Variants in NRXN1 observed in about 807,000 individuals in gnomAD.
The protein encoded by NRXN1 is neurexin-1.
NRXN1 carries 39 observed loss-of-function variants against 150.9 expected under a neutral mutation model. The observed-to-expected ratio is 0.26, with a 90% CI of 0.20 to 0.34. The LOEUF is 0.34. NRXN1 is among the 10% of genes least tolerant of loss of function. NRXN1 has a pLI of 1.00. For missense variants in NRXN1, 1,815 were observed against 1,949.9 expected (o/e 0.93, Z 1.30); for synonymous variants, 924 against 757.0 (o/e 1.22, Z -3.62).
rs118179235 is a variant in NRXN1, at chr2:50,877,196, T to C, written c.832+44673A>G. Among the ~76,000 whole-genome samples the C allele has an allele frequency of 4.8e-4, 73 of 151,154 alleles. No individual in the cohort carries two copies. In the East Asian group the frequency reaches 0.014, roughly 28 times the overall value. On this transcript the variant is annotated intron_variant, in intron 5 of 22. Coordinates refer to ENST00000401669, the MANE Select transcript of NRXN1 (RefSeq NM_001330078.2). ...CAACACACACATAGACACACACATATACACACACACACATATATATACACA... is the reference window on the plus strand; with the variant it reads ...CAACACACACATAGACACACACATACACACACACACACATATATATACACA...
intron 17 of NRXN1, among the ~76,000 whole-genome samples, chr2:50,277,660 G>C (rs539466731): frequency 6.6e-6 from 1 of 151,842 alleles, no homozygotes; most frequent in African/African-American, 2.4e-5. Context: ...AACTATTTTA[G>C]AAAAATATTT....
intron 5 of NRXN1, among the ~76,000 whole-genome samples, chr2:50,827,174 A>G (rs1670571828): frequency 6.6e-6 from 1 of 152,274 alleles, no homozygotes; most frequent in Non-Finnish European, 1.5e-5. Flanking sequence ...AATGGCAAAT[A>G]GCCTGGAAGA....
At chr2:50,200,824 C>T (rs893818040) in intron 18 of NRXN1, among the ~76,000 whole-genome samples, 4 of 152,130 alleles carry the variant, frequency 2.6e-5, no homozygotes, top group Non-Finnish European at 4.4e-5. Context: ...CCTTCTGGAA[C>T]CTATGAAAAT....
chr2:50,085,568 T>C (rs551881950), intron 19 of NRXN1, among the ~76,000 whole-genome samples: 1 of 152,232 alleles, frequency 6.6e-6, no homozygotes, highest in East Asian at 1.9e-4. Context: ...AATTTGCTAA[T>C]AAAGTTTCTC....
chr2:50,776,782 C>G (rs554392362), intron 5 of NRXN1, among the ~76,000 whole-genome samples: 2 of 151,992 alleles, frequency 1.3e-5, no homozygotes, highest in South Asian at 2.1e-4. Flanking sequence ...ATCCCCCAGG[C>G]TACACTTAGT....
At chr2:50,232,196 T>A (rs1029303597) in intron 18 of NRXN1, among the ~76,000 whole-genome samples, 10 of 151,996 alleles carry the variant, frequency 6.6e-5, no homozygotes, top group Admixed American at 5.2e-4. Flanking sequence ...GCTTGTTCAT[T>A]CATTCATCCA....
chr2:50,457,946 C>T (rs539737252), intron 17 of NRXN1, among the ~76,000 whole-genome samples: 2 of 152,226 alleles, frequency 1.3e-5, no homozygotes, highest in East Asian at 1.9e-4. Flanking sequence ...AAATCAAACA[C>T]ATAACTACCG....
chr2:49,946,533 T>G (rs1558558328), intron 21 of NRXN1, among the ~76,000 whole-genome samples: 1 of 152,132 alleles, frequency 6.6e-6, no homozygotes, highest in Non-Finnish European at 1.5e-5. Flanking sequence ...GTTTAAGTCT[T>G]TAATCCATCT....
In NRXN1 at chr2:49,921,592, G is replaced by A. The variant is rs1668209550; in HGVS notation, c.*352C>T. 2 of 210,256 alleles carry A rather than the reference G, an allele frequency of 9.5e-6. No individual in the cohort carries two copies. The highest frequency in any genetic ancestry group is 1.9e-5 in the Non-Finnish European group (2 of 104,660). The allele number at this position is 210,256 out of a possible 1,614,324, so 13.0% of individuals were successfully genotyped here. ...GCTTCTTTTTTGTGTTATGTTTTGT[G>A]TTGGTTTTTGTGTTGTGCCTTGATG... On this transcript the variant is annotated 3_prime_UTR_variant, in exon 23 of 23. Transcript: ENST00000401669.
chr2:50,325,388 C>G (rs1234623407), intron 17 of NRXN1, among the ~76,000 whole-genome samples: 1 of 152,184 alleles, frequency 6.6e-6, no homozygotes, highest in Non-Finnish European at 1.5e-5. Flanking sequence ...CCACCAGGTC[C>G]CATGGCGGAG....
At chr2:50,982,625 C>A (rs1486725103) in intron 2 of NRXN1, among the ~76,000 whole-genome samples, 2 of 152,064 alleles carry the variant, frequency 1.3e-5, no homozygotes, top group African/African-American at 2.4e-5. Flanking sequence ...CCAAAGTTAT[C>A]AATAAGGCAC....
At chr2:50,954,477 G>C (rs1691939756) in intron 2 of NRXN1, among the ~76,000 whole-genome samples, 1 of 152,116 alleles carries the variant, frequency 6.6e-6, no homozygotes, top group Non-Finnish European at 1.5e-5. Flanking sequence ...CCATTTATGG[G>C]GCAGAACAGG....
At chr2:50,170,815 C>T (rs1449422315) in intron 18 of NRXN1, among the ~76,000 whole-genome samples, 2 of 146,474 alleles carry the variant, frequency 1.4e-5, no homozygotes, top group African/African-American at 5.0e-5. Context: ...ATAGTTGGCC[C>T]TTGAACAATG....
chr2:51,025,206 T>C (rs1318312368), intron 2 of NRXN1, among the ~76,000 whole-genome samples: 1 of 152,180 alleles, frequency 6.6e-6, no homozygotes, highest in Non-Finnish European at 1.5e-5. Context: ...GTTCAAATTT[T>C]CAAAGTGACT....
At chr2:50,202,687 T>C (rs569588593) in intron 18 of NRXN1, among the ~76,000 whole-genome samples, 21 of 152,076 alleles carry the variant, frequency 1.4e-4, no homozygotes, top group Non-Finnish European at 2.8e-4. Flanking sequence ...TAAATAAACA[T>C]ATTAAGGAGG....
intron 2 of NRXN1, among the ~76,000 whole-genome samples, chr2:51,001,130 G>A (rs766299199): frequency 4.7e-4 from 71 of 149,682 alleles, no homozygotes; most frequent in Non-Finnish European, 8.6e-4. Context: ...ATATCTTCAG[G>A]CCTGAATGGA....
At chr2:50,452,962 A>G (rs959814054) in intron 17 of NRXN1, among the ~76,000 whole-genome samples, 14 of 152,238 alleles carry the variant, frequency 9.2e-5, no homozygotes, top group African/African-American at 3.1e-4. Flanking sequence ...AACATTTTCA[A>G]TATTGCCAGC....
At chr2:50,093,705 G>A (rs144792179) in intron 18 of NRXN1, among the ~76,000 whole-genome samples, 6 of 152,108 alleles carry the variant, frequency 3.9e-5, no homozygotes, top group Admixed American at 6.6e-5. Context: ...AAACACATAC[G>A]TAGGGCTCTA....
chr2:50,581,903 T>A (rs1475153049), intron 8 of NRXN1, among the ~76,000 whole-genome samples: 1 of 152,146 alleles, frequency 6.6e-6, no homozygotes, highest in African/African-American at 2.4e-5. Flanking sequence ...CTTGGAACCA[T>A]GGGCTAGGTC....
Sources: allele counts gnomAD v4.1 joint callset (sites outside exome capture counted in the v4.1 genomes callset), GRCh38; gene constraint gnomAD v4.1.1; transcripts MANE v1.5; gene names NCBI Gene and HGNC (gene_info 2026-07-23, HGNC 2026-07-21).